HMCN1: variants seen among roughly 807,000 people sequenced by gnomAD.
HMCN1 encodes hemicentin 1.
A neutral mutation model predicts 625.9 loss-of-function variants in HMCN1; 321 were observed. The observed-to-expected ratio is 0.51, with a 90% CI of 0.47 to 0.56. HMCN1 has a LOEUF of 0.56. HMCN1 is among the 20% of genes least tolerant of loss of function. The pLI is 0.00. For synonymous variants in HMCN1, 2,425 were observed against 2,417.6 expected (o/e 1.00, Z -0.09); for missense variants, 6,588 against 6,887.3 (o/e 0.96, Z 1.54).
intron 3 of HMCN1, 109 bp downstream of exon 3, chr1:185,864,737 T>C: frequency 1.0e-6 from 1 of 952,516 alleles, no homozygotes. Context: ...TATAACTATC[T>C]ATCCACATGT....
At chr1:185,822,363 C>T (rs756027684) in intron 1 of HMCN1, among the ~76,000 whole-genome samples, 1 of 152,014 alleles carries the variant, frequency 6.6e-6, no homozygotes, top group African/African-American at 2.4e-5. Flanking sequence ...GAACCTAAAA[C>T]TTCTCTGAAA....
chr1:185,858,443 T>A (rs983914262), intron 2 of HMCN1, among the ~76,000 whole-genome samples: 5 of 151,664 alleles, frequency 3.3e-5, no homozygotes, highest in East Asian at 1.9e-4. Flanking sequence ...TTATTTATTT[T>A]TTGAGACGGA....
At chr1:185,832,205 A>G (rs1660906892) in intron 1 of HMCN1, among the ~76,000 whole-genome samples, 1 of 152,096 alleles carries the variant, frequency 6.6e-6, no homozygotes, top group African/African-American at 2.4e-5. Flanking sequence ...CTGATGTGGG[A>G]GAATCGCTTG....
chr1:185,853,415 G>T (rs980970217), intron 2 of HMCN1, among the ~76,000 whole-genome samples: 2 of 152,208 alleles, frequency 1.3e-5, no homozygotes, highest in Non-Finnish European at 2.9e-5. Context: ...ATATTGAAAG[G>T]TACTATATCT....
chr1:185,751,489 G>T (rs1264771607), intron 1 of HMCN1, among the ~76,000 whole-genome samples: 4 of 151,938 alleles, frequency 2.6e-5, no homozygotes, highest in Non-Finnish European at 5.9e-5. Flanking sequence ...GCATAGATTT[G>T]ATTTTGTCTT....
At chr1:185,941,101 C>A in intron 11 of HMCN1, among the ~76,000 whole-genome samples, 1 of 152,030 alleles carries the variant, frequency 6.6e-6, no homozygotes, top group Non-Finnish European at 1.5e-5. Flanking sequence ...ATGATCTGCC[C>A]GCCTCGGCCT....
intron 11 of HMCN1, among the ~76,000 whole-genome samples, chr1:185,945,453 C>A (rs543086236): frequency 4.6e-5 from 7 of 152,140 alleles, no homozygotes; most frequent in African/African-American, 1.7e-4. Context: ...GTGCTTCTTG[C>A]TGATGATATA....
chr1:185,953,406 G>A (rs1178464127), intron 11 of HMCN1, among the ~76,000 whole-genome samples: 2 of 151,882 alleles, frequency 1.3e-5, no homozygotes, highest in East Asian at 1.9e-4. Flanking sequence ...TAAACACCAG[G>A]GGAAGTCTGC....
intron 1 of HMCN1, among the ~76,000 whole-genome samples, chr1:185,820,389 G>A (rs983744631): frequency 4.6e-5 from 7 of 152,004 alleles, no homozygotes; most frequent in Admixed American, 6.6e-5. Context: ...TACCTAAGGC[G>A]TTCCTCATTC....
Position 186,053,825 on chromosome 1 carries a change from G to C in HMCN1, c.6701G>C (p.Gly2234Ala). The change falls in exon 44 of 107, where the codon GGC becomes GCC. Residue 2234 changes from glycine (G) to alanine (A), a missense_variant and splice_region_variant. Gly to Ala is a moderately conservative substitution (Grantham distance 60, BLOSUM62 0). Around this residue, in one of 3 missense-constraint regions of HMCN1, gnomAD observed 4,628 missense variants for 4,853.1 expected, o/e 0.95. Coordinates refer to ENST00000271588, the MANE Select transcript of HMCN1 (RefSeq NM_031935.3). Reference sequence around the variant, plus strand: ...TTCTGCCATTTGGACTTCTTTGTAGGCTCTCCAGTGCTGACTGATTCCATG... The same window carrying C: ...TTCTGCCATTTGGACTTCTTTGTAGCCTCTCCAGTGCTGACTGATTCCATG... ...PPPNLIWKKK[G>A]SPVLTDSMGR... 6.2e-7 allele frequency: 1 copy of C among 1,612,306 alleles called. No individual in the cohort carries two copies.
chr1:185,858,146 C>T (rs1432656456), intron 2 of HMCN1, among the ~76,000 whole-genome samples: 1 of 152,132 alleles, frequency 6.6e-6, no homozygotes. Context: ...AAAAGTGATA[C>T]TTACCTTATC....
At chr1:185,860,972 ATGTT>A (rs1381062939) in intron 2 of HMCN1, among the ~76,000 whole-genome samples, 1 of 152,170 alleles carries the variant, frequency 6.6e-6, no homozygotes, top group African/African-American at 2.4e-5. Context: ...AGGCTGAAAA[ATGTT>A]TGTAGTCTTA....
At chr1:185,938,043 T>A (rs573081178) in intron 11 of HMCN1, among the ~76,000 whole-genome samples, 1 of 151,714 alleles carries the variant, frequency 6.6e-6, no homozygotes, top group African/African-American at 2.4e-5. Flanking sequence ...TAAAAAATCA[T>A]GGATGTGGTG....
chr1:185,987,170 T>C (rs1652058054), intron 19 of HMCN1, among the ~76,000 whole-genome samples: 1 of 152,146 alleles, frequency 6.6e-6, no homozygotes, highest in South Asian at 2.1e-4. Flanking sequence ...TCCTCTCTTA[T>C]TTTTGTTAGG....
chr1:185,927,900 A>C lies in HMCN1; in HGVS notation c.1431-646A>C, dbSNP rs575108058. 4.6e-5 allele frequency among the ~76,000 whole-genome samples: 7 copies of C among 152,314 alleles called. No homozygotes were observed. In the East Asian group the frequency reaches 1.3e-3, roughly 29 times the overall value. On this transcript the variant is annotated intron_variant, in intron 9 of 106. Coordinates refer to ENST00000271588, the MANE Select transcript of HMCN1 (RefSeq NM_031935.3). The stretch of plus-strand genomic sequence containing the variant: ...ACTAAGATACTTCCGGAAAATGAGA[A>C]ATAATTTGAACAGTGTTAGAGGGCA...
At chr1:185,927,723 A>G (rs979970083) in intron 9 of HMCN1, among the ~76,000 whole-genome samples, 1 of 152,098 alleles carries the variant, frequency 6.6e-6, no homozygotes, top group Admixed American at 6.5e-5. Flanking sequence ...TGCCTTATCT[A>G]TATCTTGATT....
At chr1:186,029,575 AC>A (rs1373069140) in intron 36 of HMCN1, among the ~76,000 whole-genome samples, 3 of 149,052 alleles carry the variant, frequency 2.0e-5, no homozygotes, top group African/African-American at 7.4e-5. Flanking sequence ...TGCGGTAATG[AC>A]CCCTCTTTCA....
At chr1:185,937,352 C>A (rs1158186488) in intron 11 of HMCN1, among the ~76,000 whole-genome samples, 7 of 152,254 alleles carry the variant, frequency 4.6e-5, no homozygotes, top group South Asian at 2.1e-4. Context: ...CTTCCACTTG[C>A]ATCAGCACAT....
intron 25 of HMCN1, among the ~76,000 whole-genome samples, chr1:185,998,224 C>A (rs1234094160): frequency 6.6e-6 from 1 of 152,024 alleles, no homozygotes; most frequent in Non-Finnish European, 1.5e-5. Flanking sequence ...TGGCAAAGTC[C>A]AAGCAGTAGT....
Sources: gnomAD v4.1 joint callset for allele counts (sites outside exome capture counted in the v4.1 genomes callset) on GRCh38, gnomAD v4.1.1 for gene constraint, gnomAD v4.1.1 regional missense constraint, MANE v1.5 for transcripts, NCBI Gene and HGNC (gene_info 2026-07-23, HGNC 2026-07-21) for gene names.